TOGARAM2: variants seen among roughly 807,000 people sequenced by gnomAD.
The protein encoded by TOGARAM2 is TOG array regulator of axonemal microtubules 2.
In TOGARAM2, 85 loss-of-function variants were observed where a neutral mutation model predicts 93.3. The observed-to-expected ratio is 0.91, with a 90% CI of 0.76 to 1.09. The LOEUF is 1.09. TOGARAM2 is among the 50% of genes least tolerant of loss of function. The pLI is 0.00. For missense variants in TOGARAM2, 1,277 were observed against 1,334.5 expected, an observed-to-expected ratio of 0.96 and a Z score of 0.67; for synonymous variants, 593 against 552.8, an observed-to-expected ratio of 1.07 and a Z score of -1.02.
intron 1 of TOGARAM2, among the ~76,000 whole-genome samples, chr2:28,968,387 C>G (rs1429332295): frequency 6.6e-6 from 1 of 152,106 alleles, no homozygotes; most frequent in Non-Finnish European, 1.5e-5. Flanking sequence ...CTCTCATATT[C>G]TCTCTCTCCC....
At chr2:28,976,103 G>C (rs1178270945) in intron 1 of TOGARAM2, among the ~76,000 whole-genome samples, 1 of 152,208 alleles carries the variant, frequency 6.6e-6, no homozygotes, top group Non-Finnish European at 1.5e-5. Context: ...AGGTGTGGCG[G>C]CTCACGCCTG....
At chr2:28,989,512 C>T (rs1210056567) in intron 1 of TOGARAM2, among the ~76,000 whole-genome samples, 1 of 152,176 alleles carries the variant, frequency 6.6e-6, no homozygotes, top group Non-Finnish European at 1.5e-5. Context: ...ATCCTCCTGC[C>T]TCAGCACCCC....
Position 28,994,757 on chromosome 2 carries a change from C to A in TOGARAM2, c.-78C>A, listed in dbSNP as rs917113559. On this transcript the variant is annotated 5_prime_UTR_variant, in exon 2 of 20. Coordinates refer to ENST00000379558, the MANE Select transcript of TOGARAM2 (RefSeq NM_199280.4). ...ATGTTACAGGTCAGAGCCCTCCAGA[C>A]CCCCAAGGACTGTACTCACTGCCCA... 2 of 1,477,150 alleles carry A rather than the reference C, an allele frequency of 1.4e-6. No individual in the cohort carries two copies. Among genetic ancestry groups the A allele is most frequent in the African/African-American group, 1.4e-5 (1 of 71,638 alleles). The allele number at this position is 1,477,150 out of a possible 1,614,324, so 91.5% of individuals were successfully genotyped here. A position where few individuals can be genotyped will look rare whatever the true frequency, so the allele number is the denominator to read the frequency against.
At chr2:29,042,544 CG>C (rs562606919) in intron 18 of TOGARAM2, among the ~76,000 whole-genome samples, 6 of 152,056 alleles carry the variant, frequency 3.9e-5, no homozygotes, top group South Asian at 2.1e-4. Flanking sequence ...AAAGAACACT[CG>C]GGGGGGCTAC....
intron 6 of TOGARAM2, among the ~76,000 whole-genome samples, chr2:29,010,318 T>C (rs1005466251): frequency 1.3e-5 from 2 of 151,914 alleles, no homozygotes; most frequent in Non-Finnish European, 2.9e-5. Context: ...GCTCCCCAGG[T>C]CAGGGGTGCC....
intron 19 of TOGARAM2, chr2:29,048,238 C>A (rs1235809165): frequency 6.6e-6 from 1 of 152,086 alleles, no homozygotes; most frequent in Non-Finnish European, 1.5e-5. Flanking sequence ...CCCCATGATT[C>A]AATTACTTCC....
At chr2:29,019,244 G>A (rs748009671) in intron 10 of TOGARAM2, among the ~76,000 whole-genome samples, 65 of 147,308 alleles carry the variant, frequency 4.4e-4, no homozygotes, top group African/African-American at 1.5e-3. Flanking sequence ...GCAGTGGTGC[G>A]ATCTCTGCTC....
At chr2:29,034,645 G>T (rs1162031258) in intron 16 of TOGARAM2, among the ~76,000 whole-genome samples, 67 of 152,362 alleles carry the variant, frequency 4.4e-4, no homozygotes, top group Non-Finnish European at 1.5e-5. Context: ...GGAGACAGTA[G>T]TTCTGCACAG....
At chr2:28,981,948 G>A in intron 1 of TOGARAM2, among the ~76,000 whole-genome samples, 1 of 152,214 alleles carries the variant, frequency 6.6e-6, no homozygotes, top group Admixed American at 6.5e-5. Flanking sequence ...CTGTGGGGAT[G>A]GCACCCGTGC....
chr2:29,003,658 C>T lies in TOGARAM2; in HGVS notation c.806C>T (p.Thr269Ile). ...SPLPPGQGVL[T>I]GLRAPRTRLA... Reference sequence around the variant, plus strand: ...TTACCTCCAGGCCAGGGAGTCCTCACAGGCCTGAGGGCCCCACGCACGCGG... The same window carrying T: ...TTACCTCCAGGCCAGGGAGTCCTCATAGGCCTGAGGGCCCCACGCACGCGG... The change falls in exon 6 of 20, where the codon ACA becomes ATA. Residue 269 changes from threonine (T) to isoleucine (I), a missense_variant. Coordinates refer to ENST00000379558, the MANE Select transcript of TOGARAM2 (RefSeq NM_199280.4). The T allele has an allele frequency of 1.3e-6, 2 of 1,576,550 alleles. No individual in the cohort carries two copies. Among genetic ancestry groups the T allele is most frequent in the Non-Finnish European group, 1.7e-6 (2 of 1,163,082 alleles).
intron 1 of TOGARAM2, among the ~76,000 whole-genome samples, chr2:28,962,823 C>G (rs929322935): frequency 1.0e-4 from 14 of 139,902 alleles, no homozygotes; most frequent in Non-Finnish European, 1.9e-4. Context: ...CTCCTTCCCT[C>G]CTTTCCTCCC....
intron 1 of TOGARAM2, among the ~76,000 whole-genome samples, chr2:28,987,657 G>C (rs1672529607): frequency 6.6e-6 from 1 of 152,176 alleles, no homozygotes; most frequent in Non-Finnish European, 1.5e-5. Context: ...CATGAACCTG[G>C]CACTGTTTGT....
At chr2:29,022,472 GTGTT>G (rs1483024548) in intron 11 of TOGARAM2, among the ~76,000 whole-genome samples, 164 bp downstream of exon 11, 1 of 152,216 alleles carries the variant, frequency 6.6e-6, no homozygotes, top group Non-Finnish European at 1.5e-5. Flanking sequence ...ATAGATATGT[GTGTT>G]TATGTGCGTG....
At position 29,022,144 on chromosome 2, in the gene TOGARAM2, T is replaced by G. The variant is rs1441444039; in HGVS notation, c.1361-14T>G. On this transcript the variant is annotated splice_polypyrimidine_tract_variant and intron_variant, in intron 10 of 19. Coordinates refer to ENST00000379558, the MANE Select transcript of TOGARAM2 (RefSeq NM_199280.4). ...TGCTGCGTGAAGCCTGCTGTTTCTT[T>G]CTTGTGAATGCAGCTAACTCATTAC... 3.7e-6 allele frequency: 6 copies of G among 1,613,834 alleles called. No individual in the cohort carries two copies. Among genetic ancestry groups the G allele is most frequent in the Non-Finnish European group, 5.1e-6 (6 of 1,179,872 alleles).
chr2:29,020,501 C>T (rs1664871761), intron 10 of TOGARAM2, among the ~76,000 whole-genome samples: 1 of 152,184 alleles, frequency 6.6e-6, no homozygotes, highest in Non-Finnish European at 1.5e-5. Flanking sequence ...AACCAGAAGG[C>T]ACAAATACGA....
At chr2:29,008,866 C>T (rs1417389195) in intron 6 of TOGARAM2, among the ~76,000 whole-genome samples, 1 of 152,206 alleles carries the variant, frequency 6.6e-6, no homozygotes, top group Non-Finnish European at 1.5e-5. Context: ...TGGTACCTGG[C>T]ATGGATTAGT....
At chr2:28,976,315 G>A (rs1334287751), upstream of TOGARAM2, among the ~76,000 whole-genome samples, 1 of 152,180 alleles carries the variant, frequency 6.6e-6, no homozygotes, top group Non-Finnish European at 1.5e-5. Flanking sequence ...AGCTTGCAGT[G>A]AGCTGAGATC....
intron 1 of TOGARAM2, among the ~76,000 whole-genome samples, chr2:28,985,991 T>C (rs112979948): frequency 0.012 from 1,770 of 152,050 alleles, 22 homozygotes; most frequent in Middle Eastern, 0.02. Flanking sequence ...CACATGCCTG[T>C]AATCCCAGCT....
At chr2:28,966,250 C>A (rs1671865495) in intron 1 of TOGARAM2, among the ~76,000 whole-genome samples, 1 of 151,866 alleles carries the variant, frequency 6.6e-6, no homozygotes. Flanking sequence ...CTTGGTGTCC[C>A]AAGGTGCCAG....
Sources: allele counts gnomAD v4.1 joint callset (sites outside exome capture counted in the v4.1 genomes callset), GRCh38; gene constraint gnomAD v4.1.1; transcripts MANE v1.5; gene names NCBI Gene and HGNC (gene_info 2026-07-23, HGNC 2026-07-21).